Variants in TCF4 observed in about 807,000 individuals in gnomAD.
TCF4 encodes transcription factor 4.
A neutral mutation model predicts 82.1 loss-of-function variants in TCF4; 3 were observed. The ratio of observed to expected loss-of-function variants is 0.04; its 90% CI spans 0.02 to 0.09. The LOEUF (loss-of-function observed/expected upper bound fraction) is 0.09, where lower values mean the gene tolerates loss of function less well. TCF4 is among the 10% of genes least tolerant of loss of function. The pLI, the probability that TCF4 is intolerant of heterozygous loss-of-function variation, is 1.00. For synonymous variants in TCF4, 276 were observed against 309.6 expected, an observed-to-expected ratio of 0.89 and a Z score of 1.14; for missense variants, 518 against 852.7, an observed-to-expected ratio of 0.61 and a Z score of 4.89.
chr18:55,290,807 C>G (rs2064895137), intron 8 of TCF4, among the ~76,000 whole-genome samples: 2 of 151,854 alleles, frequency 1.3e-5, no homozygotes, highest in African/African-American at 2.4e-5. Flanking sequence ...GACATTCAAG[C>G]AAGAATGAAA....
chr18:55,284,476 C>A (rs1376989838), intron 8 of TCF4: 2 of 151,694 alleles, frequency 1.3e-5, no homozygotes, highest in African/African-American at 2.4e-5. Context: ...AAATCAAGTA[C>A]TTGTTAAGTA....
chr18:55,355,170 T>C (rs954788989), intron 6 of TCF4, among the ~76,000 whole-genome samples: 4 of 152,110 alleles, frequency 2.6e-5, no homozygotes, highest in Non-Finnish European at 5.9e-5. Context: ...AATGTTAATA[T>C]GGAAAAAAAT....
intron 3 of TCF4, among the ~76,000 whole-genome samples, chr18:55,571,644 C>A (rs2097469341): frequency 6.6e-6 from 1 of 151,966 alleles, no homozygotes; most frequent in South Asian, 2.1e-4. Context: ...CATGCAGTAG[C>A]AGCCTGTGTA....
chr18:55,302,018 C>T (rs889147807), intron 8 of TCF4, among the ~76,000 whole-genome samples: 1 of 152,156 alleles, frequency 6.6e-6, no homozygotes, highest in Admixed American at 6.5e-5. Flanking sequence ...TGGTTGTAAC[C>T]GAATGATAAA....
chr18:55,370,578 A>C (rs2088804587), intron 6 of TCF4, among the ~76,000 whole-genome samples: 1 of 152,134 alleles, frequency 6.6e-6, no homozygotes, highest in Admixed American at 6.5e-5. Context: ...CCTAATTCAA[A>C]ATGGGCCGCT....
intron 6 of TCF4, among the ~76,000 whole-genome samples, chr18:55,397,743 T>C (rs2093585636): frequency 6.6e-6 from 1 of 152,142 alleles, no homozygotes; most frequent in African/African-American, 2.4e-5. Flanking sequence ...ATAATAACAG[T>C]ATGTTAGTTA....
At chr18:55,244,763 A>G (rs2052504670) in intron 15 of TCF4, among the ~76,000 whole-genome samples, 1 of 152,196 alleles carries the variant, frequency 6.6e-6, no homozygotes, top group Admixed American at 6.5e-5. Flanking sequence ...CTACAGGGGG[A>G]AAATTTTGGG....
At chr18:55,361,564 T>A (rs1006767110) in intron 6 of TCF4, among the ~76,000 whole-genome samples, 3 of 152,202 alleles carry the variant, frequency 2.0e-5, no homozygotes, top group African/African-American at 7.2e-5. Flanking sequence ...GAGAAGCCAC[T>A]TGCAAACAAC....
intron 6 of TCF4, among the ~76,000 whole-genome samples, chr18:55,374,396 A>G (rs1402707866): frequency 6.6e-6 from 1 of 152,028 alleles, no homozygotes; most frequent in Non-Finnish European, 1.5e-5. Context: ...AGTGTAAGGA[A>G]AAACAAGAAG....
chr18:55,572,808 C>CT (rs2097487016), intron 3 of TCF4, among the ~76,000 whole-genome samples: 1 of 152,118 alleles, frequency 6.6e-6, no homozygotes, highest in Non-Finnish European at 1.5e-5. Flanking sequence ...AATCCCAGCA[C>CT]TTTGGGAGGC....
At chr18:55,290,471 T>A (rs1423327405) in intron 8 of TCF4, among the ~76,000 whole-genome samples, 1 of 152,128 alleles carries the variant, frequency 6.6e-6, no homozygotes, top group Non-Finnish European at 1.5e-5. Flanking sequence ...GGCAATGAGG[T>A]CTCAGATCTT....
intron 8 of TCF4, among the ~76,000 whole-genome samples, chr18:55,300,121 CA>C (rs1568830683): frequency 6.6e-5 from 10 of 151,976 alleles, no homozygotes; most frequent in South Asian, 6.2e-4. Context: ...CACACACACA[CA>C]CACCCCACAT....
intron 2 of TCF4, among the ~76,000 whole-genome samples, chr18:55,606,113 T>C (rs1678052364): frequency 6.6e-6 from 1 of 152,168 alleles, no homozygotes; most frequent in South Asian, 2.1e-4. Flanking sequence ...TTAGGGTGCT[T>C]CCCCATTCCA....
chr18:55,563,382 C>T (rs1233667426), intron 3 of TCF4, among the ~76,000 whole-genome samples: 1 of 151,922 alleles, frequency 6.6e-6, no homozygotes, highest in African/African-American at 2.4e-5. Flanking sequence ...TCCGTGAATT[C>T]AAGGACCTCA....
chr18:55,633,466 A>G lies in TCF4; in HGVS notation c.196-2078T>C, dbSNP rs1206270505. ...CTAGTTTAAGAAGTCACACACTGAC[A>G]CCTCTGCCATGTCCTATTTGTTGCA... On this transcript the variant is annotated intron_variant, in intron 1 of 20. Coordinates refer to the TCF4 transcript ENST00000398339. This position sits in a 1 kb window ranked among gnomAD's most constrained non-coding sequence, Gnocchi z 4.0. Among the ~76,000 whole-genome samples the G allele has an allele frequency of 6.6e-6, 1 of 152,082 alleles. No individual in the cohort carries two copies. Among genetic ancestry groups the G allele is most frequent in the East Asian group, 1.9e-4 (1 of 5,184 alleles).
chr18:55,458,496 CTTTGT>C (rs1033114180), intron 5 of TCF4, among the ~76,000 whole-genome samples: 1 of 152,228 alleles, frequency 6.6e-6, no homozygotes, highest in Non-Finnish European at 1.5e-5. Flanking sequence ...ATAGATCTTA[CTTTGT>C]TTTTATTATC....
intron 5 of TCF4, chr18:55,404,263 A>G (rs2093978573): frequency 6.2e-6 from 1 of 160,942 alleles, no homozygotes; most frequent in Non-Finnish European, 1.4e-5. Context: ...ACATCTAAGA[A>G]TAAAATCAAG....
intron 3 of TCF4, among the ~76,000 whole-genome samples, chr18:55,565,917 G>T (rs1313725753): frequency 6.6e-6 from 1 of 151,890 alleles, no homozygotes; most frequent in Non-Finnish European, 1.5e-5. Flanking sequence ...TATAGACATG[G>T]ATGGCCAGAT....
At chr18:55,453,078 T>G (rs893333302) in intron 5 of TCF4, among the ~76,000 whole-genome samples, 1 of 152,188 alleles carries the variant, frequency 6.6e-6, no homozygotes, top group Admixed American at 6.5e-5. Flanking sequence ...CCAAACTTGC[T>G]TCTCTCCTGT....
Sources: gnomAD v4.1 joint callset for allele counts (sites outside exome capture counted in the v4.1 genomes callset) on GRCh38, gnomAD v4.1.1 for gene constraint, Gnocchi (gnomAD v3.1) non-coding constraint, MANE v1.5 for transcripts, NCBI Gene and HGNC (gene_info 2026-07-23, HGNC 2026-07-21) for gene names.